The following CC2D1B variants were observed in gnomAD, a reference collection of about 807,000 sequenced individuals.
CC2D1B encodes the protein coiled-coil and C2 domain containing 1B, also known as coiled-coil and C2 domain-containing protein 1B.
In CC2D1B, 92 loss-of-function variants were observed where a neutral mutation model predicts 110.8. The ratio of observed to expected loss-of-function variants is 0.83; its 90% CI spans 0.70 to 0.99. The LOEUF (loss-of-function observed/expected upper bound fraction) is 0.99, where lower values mean the gene tolerates loss of function less well. Ranked by LOEUF, CC2D1B falls within the 50% of genes least tolerant of loss-of-function variation. The pLI, the probability that CC2D1B is intolerant of heterozygous loss-of-function variation, is 0.00. For synonymous variants in CC2D1B, 406 were observed against 429.2 expected (o/e 0.95, Z 0.67); for missense variants, 1,136 against 1,089.0 (o/e 1.04, Z -0.61).
rs763029160 is a variant in CC2D1B at position 52,360,187 on chromosome 1, T to C, written c.650A>G (p.Asn217Ser). The C allele has an allele frequency of 3.1e-6, 5 of 1,613,944 alleles. No homozygotes were observed. Among genetic ancestry groups the C allele is most frequent in the African/African-American group, 2.7e-5 (2 of 74,912 alleles). The change falls in exon 7 of 25, where the codon AAT becomes AGT. Residue 217 changes from asparagine to serine, a missense_variant. Transcript: ENST00000284376. ...CACTGGAGGTGGGATCTCATCCTCA[T>C]TGATCTTTCTGCCTCTCCTCACAGA... ...LASVRRGRKI[N>S]EDEIPPPVAL...
At chr1:52,356,077 G>A in intron 18 of CC2D1B, 109 bp downstream of exon 18, 1 of 1,044,530 alleles carries the variant, frequency 9.6e-7, no homozygotes, top group Non-Finnish European at 1.5e-6. Context: ...AGTGCCCACA[G>A]CGGGGCCAGG....
At chr1:52,358,879 A>G (rs1396188380) in intron 11 of CC2D1B, 121 bp from the exon 12 acceptor site, 1 of 1,433,824 alleles carries the variant, frequency 7.0e-7, no homozygotes, top group East Asian at 2.3e-5. Flanking sequence ...CCTGGGAGAA[A>G]AAAAGATCCC....
At chr1:52,353,431 C>A in intron 24 of CC2D1B, 87 bp downstream of exon 24, 1 of 1,528,438 alleles carries the variant, frequency 6.5e-7, no homozygotes, top group Non-Finnish European at 8.8e-7. Context: ...ATGAGAAACT[C>A]CTAGGTTTTC....
rs1646614448 is a variant in CC2D1B at position 52,354,937 on chromosome 1, A to C, written c.2242T>G (p.Phe748Val). 6 of 1,613,708 alleles carry C rather than the reference A, an allele frequency of 3.7e-6. No homozygotes were observed. Among genetic ancestry groups the C allele is most frequent in the Non-Finnish European group, 5.1e-6 (6 of 1,179,630 alleles). Residue 748 changes from phenylalanine (F) to valine (V), a missense_variant and splice_region_variant, in exon 22 of 25, where the codon TTT becomes GTT. Transcript: ENST00000284376. Reference protein sequence around the residue: ...AVVKNTNSPEFDQLFKLNINR... With the variant: ...AVVKNTNSPEVDQLFKLNINR... ...ATGTTTAGTTTGAAGAGTTGATCAA[A>C]TTCTGGCAAAGGGGGAGAAAGCAAG...
intron 22 of CC2D1B, 40 bp from the exon 23 acceptor site, chr1:52,354,738 G>C: frequency 1.2e-6 from 2 of 1,609,080 alleles, no homozygotes; most frequent in Non-Finnish European, 1.7e-6. Flanking sequence ...GACTGGGCAG[G>C]GAAGGCAGGA....
At chr1:52,358,644 G>C in intron 12 of CC2D1B, 42 bp downstream of exon 12, 1 of 1,600,538 alleles carries the variant, frequency 6.2e-7, no homozygotes, top group Non-Finnish European at 8.6e-7. Flanking sequence ...TCTTGCCCAG[G>C]GACCACCTCC....
Position 52,356,988 on chromosome 1 carries a change from G to A in CC2D1B, c.1878+13C>T, listed in dbSNP as rs938532844. Reference sequence around the variant, plus strand: ...GGGCACAGAGGGGAGGAACAGACGAGGGGCCTGCTGACCTCTTGTTGCTCC... The same window carrying A: ...GGGCACAGAGGGGAGGAACAGACGAAGGGCCTGCTGACCTCTTGTTGCTCC... On this transcript the variant is annotated intron_variant, in intron 16 of 24. Transcript: ENST00000284376. 12 of 1,550,044 alleles carry A rather than the reference G, an allele frequency of 7.7e-6. No individual in the cohort carries two copies. In the Admixed American group the frequency reaches 2.2e-4, roughly 28 times the overall value.
intron 2 of CC2D1B, among the ~76,000 whole-genome samples, chr1:52,363,360 A>C (rs911402022): frequency 6.8e-6 from 1 of 147,644 alleles, no homozygotes; most frequent in Admixed American, 6.9e-5. Context: ...GCGCCACTGC[A>C]CTCCAGCCTG....
intron 16 of CC2D1B, 108 bp downstream of exon 16, chr1:52,356,893 G>A: frequency 7.7e-7 from 1 of 1,295,550 alleles, no homozygotes; most frequent in Non-Finnish European, 1.0e-6. Flanking sequence ...TGAGTAAGTG[G>A]AAGAGCTGAG....
intron 15 of CC2D1B, 52 bp downstream of exon 15, chr1:52,357,474 C>T: frequency 6.6e-7 from 1 of 1,525,678 alleles, no homozygotes; most frequent in Non-Finnish European, 8.8e-7. Flanking sequence ...TCAAGCCTGC[C>T]AGCCGCCACC....
intron 23 of CC2D1B, 31 bp from the exon 24 acceptor site, chr1:52,353,678 C>A: frequency 6.5e-7 from 1 of 1,531,282 alleles, no homozygotes; most frequent in Non-Finnish European, 8.9e-7. Context: ...GAAATGGTAA[C>A]TAAGGGGACA....
rs781739667 is a variant in CC2D1B at position 52,359,891 on chromosome 1, G to A, written c.764-8C>T. 12 of 1,608,504 alleles carry A rather than the reference G, an allele frequency of 7.5e-6. No individual in the cohort carries two copies. The East Asian group carries it at 1.6e-4, about 21-fold the overall frequency. Reference sequence around the variant, plus strand: ...CAGGTTGGGAGGGGTTGTCTATAAGGAAACAAACAGTCCCCAGAGAGCACA... The same window carrying A: ...CAGGTTGGGAGGGGTTGTCTATAAGAAAACAAACAGTCCCCAGAGAGCACA... On this transcript the variant is annotated splice_region_variant and splice_polypyrimidine_tract_variant and intron_variant, in intron 7 of 24. Transcript: ENST00000284376.
Position 52,358,730 on chromosome 1 carries a change from C to G in CC2D1B, c.1286G>C (p.Arg429Pro), listed in dbSNP as rs1191904938. ...KQYQDAIRAHRAGRKVNFAEL... is the reference protein window; with the variant it reads ...KQYQDAIRAHPAGRKVNFAEL... ...AGCAAAGTTGACTTTCCGTCCTGCT[C>G]GGTGTGCTCGAATAGCATCTTGATA... Residue 429 changes from arginine (R) to proline (P), a missense_variant, in exon 12 of 25, where the codon CGA (arginine) becomes CCA (proline). By Grantham distance (103) the Arg-to-Pro change is moderately radical (BLOSUM62 -2). Transcript: ENST00000284376. 4 of 1,612,470 alleles carry G rather than the reference C, an allele frequency of 2.5e-6. No homozygotes were observed. The highest frequency in any genetic ancestry group is 3.4e-6 in the Non-Finnish European group (4 of 1,179,550).
rs1646777222 is a variant in CC2D1B, at chr1:52,361,258, C to T, written c.319-126G>A. On this transcript the variant is annotated intron_variant, in intron 4 of 24. Coordinates refer to ENST00000284376, the MANE Select transcript of CC2D1B (RefSeq NM_001330585.2). ...ACGTCAGTCACTGTGCCTGAGTCCC[C>T]TTCACCAAAACATTTCTTTAATCTG... The T allele has an allele frequency of 2.4e-6, 3 of 1,272,852 alleles. 1 individual carries two copies. The highest frequency in any genetic ancestry group is 2.8e-5 in the South Asian group (2 of 71,160). The allele number at this position is 1,272,852 out of a possible 1,614,324, so 78.8% of individuals were successfully genotyped here.
rs1646652552 is a variant in CC2D1B at position 52,356,381 on chromosome 1, T to A, written c.1937+3A>T. ...TGAGCCCAGCCCCAGCCCTTGCACT[T>A]ACCGGGTGGTCTCAGCCACGTTGCC... On this transcript the variant is annotated splice_donor_region_variant and intron_variant, in intron 17 of 24. Transcript: ENST00000284376. The A allele has an allele frequency of 1.9e-6, 3 of 1,614,208 alleles. No individual in the cohort carries two copies. Among genetic ancestry groups the A allele is most frequent in the East Asian group, 2.2e-5 (1 of 44,888 alleles).
chr1:52,364,953 C>T (rs1025980819), intron 1 of CC2D1B, among the ~76,000 whole-genome samples: 2 of 152,182 alleles, frequency 1.3e-5, no homozygotes, highest in African/African-American at 4.8e-5. Flanking sequence ...ATGGAAGCCA[C>T]AGCTGGCTAT....
At position 52,356,170 on chromosome 1, in the gene CC2D1B, C is replaced by G. The variant is rs779525335; in HGVS notation, c.2054+16G>C. The G allele has an allele frequency of 2.5e-6, 4 of 1,600,502 alleles. No individual in the cohort carries two copies. The highest frequency in any genetic ancestry group is 1.1e-5 in the South Asian group (1 of 90,816). ...CCCTCCCTGCCTGGAGCCCCTGTTT[C>G]CCTAGGCCTTGGTACCTCACAGTCT... On this transcript the variant is annotated intron_variant, in intron 18 of 24. Transcript: ENST00000284376.
At chr1:52,362,519 G>C in intron 3 of CC2D1B, 83 bp downstream of exon 3, 2 of 1,527,080 alleles carry the variant, frequency 1.3e-6, no homozygotes, top group Non-Finnish European at 1.8e-6. Context: ...GGCTGGCTCC[G>C]TCCAGCTGCA....
rs746023729 is a variant in CC2D1B at position 52,353,566 on chromosome 1, G to A, written c.2512C>T (p.Gln838Ter). 10 of 1,614,046 alleles carry A rather than the reference G, an allele frequency of 6.2e-6. No homozygotes were observed. Among genetic ancestry groups the A allele is most frequent in the Admixed American group, 3.3e-5 (2 of 60,000 alleles). ...LREPLSGQDV[Q>*]MVTENWLVLE... is the part of the protein sequence containing the mutation. Reference sequence around the variant, plus strand: ...ACCAGCCAGTTCTCAGTGACCATCTGCACATCCTGGCCACTCAGAGGCTCC... The same window carrying A: ...ACCAGCCAGTTCTCAGTGACCATCTACACATCCTGGCCACTCAGAGGCTCC... Residue 838 changes from glutamine (Q) to a stop codon, truncating the protein, a stop_gained, in exon 24 of 25, where the codon CAG (glutamine) becomes TAG (stop). Coordinates refer to ENST00000284376, the MANE Select transcript of CC2D1B (RefSeq NM_001330585.2). LOFTEE classifies it high-confidence loss of function.
Sources: gnomAD v4.1 joint callset for allele counts (sites outside exome capture counted in the v4.1 genomes callset) on GRCh38, gnomAD v4.1.1 for gene constraint, MANE v1.5 for transcripts, NCBI Gene and HGNC (gene_info 2026-07-23, HGNC 2026-07-21) for gene names.